Variants in UBASH3A observed in about 807,000 individuals in gnomAD.
UBASH3A encodes ubiquitin associated and SH3 domain containing A.
In UBASH3A, 63 loss-of-function variants were observed where a neutral mutation model predicts 73.5. The ratio of observed to expected loss-of-function variants is 0.86; its 90% CI spans 0.70 to 1.06. The LOEUF (loss-of-function observed/expected upper bound fraction) is 1.06. Among genes scored for constraint, UBASH3A ranks in the 50% least tolerant of loss-of-function variants. The pLI, the probability that UBASH3A is intolerant of heterozygous loss-of-function variation, is 0.00. For missense variants in UBASH3A, 860 were observed against 859.0 expected (o/e 1.00, Z -0.02); for synonymous variants, 363 against 351.1 (o/e 1.03, Z -0.38).
intron 8 of UBASH3A, among the ~76,000 whole-genome samples, chr21:42,431,119 T>C (rs1256093193): frequency 1.3e-5 from 2 of 152,206 alleles, no homozygotes; most frequent in Non-Finnish European, 2.9e-5. Context: ...GGGGGCATCC[T>C]CAGCTCTCAT....
At chr21:42,404,742 T>A (rs1370487489) in intron 1 of UBASH3A, among the ~76,000 whole-genome samples, 2 of 152,226 alleles carry the variant, frequency 1.3e-5, no homozygotes, top group African/African-American at 2.4e-5. Flanking sequence ...GGAAAGTCAC[T>A]TGTCCTCAGA....
Position 42,413,004 on chromosome 21 carries a change from C to T in UBASH3A, c.355-20C>T, listed in dbSNP as rs777845801. Reference sequence around the variant, plus strand: ...CTGATGAGAGGTGTGGAAACACAGGCTCTGTCTCTGTCCCCTTAGTGTGAA... The same window carrying T: ...CTGATGAGAGGTGTGGAAACACAGGTTCTGTCTCTGTCCCCTTAGTGTGAA... On this transcript the variant is annotated intron_variant, in intron 3 of 14. Coordinates refer to ENST00000319294, the MANE Select transcript of UBASH3A (RefSeq NM_018961.4). The surrounding 1 kb of genome is among the most constrained non-coding windows in gnomAD (Gnocchi z 4.5). 1.2e-6 allele frequency: 2 copies of T among 1,603,220 alleles called. No homozygotes were observed. Among genetic ancestry groups the T allele is most frequent in the African/African-American group, 2.7e-5 (2 of 74,646 alleles).
At position 42,426,788 on chromosome 21, in the gene UBASH3A, G is replaced by A. The variant is rs768136097; in HGVS notation, c.1138G>A (p.Ala380Thr). Residue 380 changes from alanine to threonine, a missense_variant, in exon 8 of 15, where the codon GCA (alanine) becomes ACA (threonine). Physicochemically the swap from Ala to Thr is moderately conservative, Grantham distance 58. Coordinates refer to ENST00000319294, the MANE Select transcript of UBASH3A (RefSeq NM_018961.4). The part of the protein sequence containing the change: ...RCSGEFLPQT[A>T]RSLSSLQALQ... ...CAGCGGGGAATTTCTTCCACAAACG[G>A]CAAGGAGTCTTAGCAGCTTACAGGC... 1.9e-6 allele frequency: 3 copies of A among 1,614,196 alleles called. No homozygotes were observed. The highest frequency in any genetic ancestry group is 1.7e-6 in the Non-Finnish European group (2 of 1,180,028).
intron 2 of UBASH3A, among the ~76,000 whole-genome samples, 199 bp from the exon 3 acceptor site, chr21:42,409,223 T>C (rs1197312104): frequency 2.0e-5 from 3 of 152,252 alleles, no homozygotes; most frequent in Non-Finnish European, 4.4e-5. Context: ...TGACCAGGTC[T>C]GTGCCACACA....
In UBASH3A at chr21:42,437,496, C is replaced by T. The variant is rs760335961; in HGVS notation, c.1402C>T (p.Leu468=). ...IFQSRIAGDA[L]LDSGIRISSV... ...TTTTCACTATTTTCCAGGGGACGCGCTACTGGACAGTGGTATCAGAATCAG... is the reference window on the plus strand; with the variant it reads ...TTTTCACTATTTTCCAGGGGACGCGTTACTGGACAGTGGTATCAGAATCAG... Residue 468 remains leucine (L), a synonymous_variant, in exon 11 of 15, where the codon CTA becomes TTA. Transcript: ENST00000319294. 6.2e-7 allele frequency: 1 copy of T among 1,614,224 alleles called. No individual in the cohort carries two copies. The highest frequency in any genetic ancestry group is 8.5e-7 in the Non-Finnish European group (1 of 1,180,004).
At chr21:42,405,126 C>T (rs2052941425) in intron 1 of UBASH3A, among the ~76,000 whole-genome samples, 2 of 152,200 alleles carry the variant, frequency 1.3e-5, no homozygotes, top group South Asian at 4.1e-4. Flanking sequence ...GGTGAAGTAA[C>T]TCTGAAGCTA....
At chr21:42,432,901 T>C (rs1011009398) in intron 9 of UBASH3A, among the ~76,000 whole-genome samples, 2 of 152,176 alleles carry the variant, frequency 1.3e-5, no homozygotes, top group Non-Finnish European at 2.9e-5. Flanking sequence ...CAAGTAAAGA[T>C]ACAAGAGCTT....
intron 3 of UBASH3A, 134 bp downstream of exon 3, chr21:42,409,742 A>G: frequency 4.0e-6 from 3 of 751,324 alleles, no homozygotes. Flanking sequence ...TGGCACCTTC[A>G]TATGAGCTGT....
intron 1 of UBASH3A, 110 bp downstream of exon 1, chr21:42,404,168 G>A (rs1443940675): frequency 2.0e-6 from 1 of 507,256 alleles, no homozygotes; most frequent in Non-Finnish European, 3.3e-6. Flanking sequence ...TCCTGCCAAA[G>A]CAGTGCACCT....
chr21:42,408,724 G>A (rs1280548548), intron 2 of UBASH3A, among the ~76,000 whole-genome samples: 1 of 151,602 alleles, frequency 6.6e-6, no homozygotes, highest in Non-Finnish European at 1.5e-5. Flanking sequence ...TGGGTCATCC[G>A]TCGTTTTTCC....
At chr21:42,411,061 A>G (rs1388571243) in intron 3 of UBASH3A, among the ~76,000 whole-genome samples, 1 of 151,856 alleles carries the variant, frequency 6.6e-6, no homozygotes, top group Non-Finnish European at 1.5e-5. Flanking sequence ...AGATACACAC[A>G]CATACATGCA....
In UBASH3A at chr21:42,418,585, A is replaced by G. The variant is rs750445877; in HGVS notation, c.1022A>G (p.Glu341Gly). ...LPENYTDRASESDTWVKHRMY... is the reference protein window; with the variant it reads ...LPENYTDRASGSDTWVKHRMY... Reference sequence around the variant, plus strand: ...GAAAACTACACGGATCGAGCCAGTGAGTCTGACACGTGGGTGAAGCACAGG... The same window carrying G: ...GAAAACTACACGGATCGAGCCAGTGGGTCTGACACGTGGGTGAAGCACAGG... Residue 341 changes from glutamate to glycine, a missense_variant, in exon 7 of 15, where the codon GAG becomes GGG. Transcript: ENST00000319294. 2 of 1,614,014 alleles carry G rather than the reference A, an allele frequency of 1.2e-6. No homozygotes were observed. The highest frequency in any genetic ancestry group is 2.2e-5 in the East Asian group (1 of 44,892).
At chr21:42,410,629 A>C (rs898445102) in intron 3 of UBASH3A, 5 of 176,668 alleles carry the variant, frequency 2.8e-5, no homozygotes, top group Admixed American at 1.2e-4. Flanking sequence ...CTACATCGAC[A>C]TCAATGGTAC....
chr21:42,405,363 G>A (rs891212285), intron 1 of UBASH3A, among the ~76,000 whole-genome samples: 1 of 152,184 alleles, frequency 6.6e-6, no homozygotes, highest in Non-Finnish European at 1.5e-5. Flanking sequence ...ACCCGAACCA[G>A]CTTTCCATGC....
chr21:42,412,937 A>G, intron 3 of UBASH3A, 87 bp from the exon 4 acceptor site: 1 of 1,122,074 alleles, frequency 8.9e-7, no homozygotes, highest in Non-Finnish European at 1.3e-6. Context: ...ATCTCACTTT[A>G]ATTGCTGCCT....
chr21:42,416,911 C>G (rs546675991), intron 6 of UBASH3A, among the ~76,000 whole-genome samples: 1 of 152,202 alleles, frequency 6.6e-6, no homozygotes, highest in South Asian at 2.1e-4. Context: ...CCAGCCTGGG[C>G]TACAGAGCGA....
chr21:42,418,702 C>T lies in UBASH3A; in HGVS notation c.1046+93C>T, dbSNP rs1272300052. The T allele has an allele frequency of 4.1e-6, 5 of 1,214,386 alleles. No homozygotes were observed. The African/African-American group carries it at 7.5e-5, about 18-fold the overall frequency. 75.2% of individuals were successfully genotyped at this position (1,214,386 alleles called of 1,614,324 possible). ...CCAACAGTGTGCTTCTAGACCATTC[C>T]ATTATTGGTAAAATTGCATTCTGTA... On this transcript the variant is annotated intron_variant, in intron 7 of 14. Coordinates refer to ENST00000319294, the MANE Select transcript of UBASH3A (RefSeq NM_018961.4).
At chr21:42,438,048 T>C (rs1445930952) in intron 11 of UBASH3A, among the ~76,000 whole-genome samples, 3 of 152,210 alleles carry the variant, frequency 2.0e-5, no homozygotes, top group Non-Finnish European at 4.4e-5. Flanking sequence ...AGCTCCCATC[T>C]ACGGGAAGAA....
At chr21:42,432,337 G>A (rs535258736) in intron 9 of UBASH3A, 135 bp downstream of exon 9, 1 of 571,060 alleles carries the variant, frequency 1.8e-6, no homozygotes, top group South Asian at 2.3e-5. Flanking sequence ...TAGACTGTAT[G>A]TGTGGAAAAC....
Sources: gnomAD v4.1 joint callset for allele counts (sites outside exome capture counted in the v4.1 genomes callset) on GRCh38, gnomAD v4.1.1 for gene constraint, Gnocchi (gnomAD v3.1) non-coding constraint, MANE v1.5 for transcripts, NCBI Gene and HGNC (gene_info 2026-07-23, HGNC 2026-07-21) for gene names.